Variants in IMPG2 observed in about 807,000 individuals in gnomAD.
IMPG2 encodes the protein IPM 200.
In IMPG2, 91 loss-of-function variants were observed where a neutral mutation model predicts 129.2. That is an observed-to-expected ratio of 0.70 (90% confidence interval 0.59 to 0.84). The LOEUF (loss-of-function observed/expected upper bound fraction) is 0.84. IMPG2 is among the 40% of genes least tolerant of loss of function. The pLI, the probability that IMPG2 is intolerant of heterozygous loss-of-function variation, is 0.00. For missense variants in IMPG2, 1,430 were observed against 1,461.7 expected, an observed-to-expected ratio of 0.98 and a Z score of 0.35; for synonymous variants, 510 against 517.7, an observed-to-expected ratio of 0.99 and a Z score of 0.20.
intron 7 of IMPG2, among the ~76,000 whole-genome samples, chr3:101,271,433 T>A (rs186722976): frequency 6.6e-6 from 1 of 152,356 alleles, no homozygotes; most frequent in Non-Finnish European, 1.5e-5. Flanking sequence ...TCAACATTGA[T>A]ATTAATAGTC....
chr3:101,302,611 G>C (rs1267249432), intron 3 of IMPG2, among the ~76,000 whole-genome samples: 1 of 152,110 alleles, frequency 6.6e-6, no homozygotes, highest in East Asian at 1.9e-4. Flanking sequence ...TCTGTAAAAT[G>C]GGGACATTAC....
chr3:101,280,947 A>C (rs772596643), intron 4 of IMPG2, among the ~76,000 whole-genome samples: 7 of 109,422 alleles, frequency 6.4e-5, no homozygotes, highest in Non-Finnish European at 1.4e-4. Context: ...AGACTGTTGC[A>C]AAAAAAAAAA....
rs1291647192 is a variant in IMPG2 at position 101,226,037 on chromosome 3, C to T, written c.*932G>A. 6.5e-6 allele frequency: 1 copy of T among 154,208 alleles called. No individual in the cohort carries two copies. Among genetic ancestry groups the T allele is most frequent in the Admixed American group, 6.6e-5 (1 of 15,228 alleles). The allele number at this position is 154,208 out of a possible 1,614,324, so 9.6% of individuals were successfully genotyped here. A position where few individuals can be genotyped will look rare whatever the true frequency, so the allele number is the denominator to read the frequency against. Reference sequence around the variant, plus strand: ...TTAAGTGCTGTTTTCCAAATTAATACACCAGGAACTAGAGGAGAGACAGGA... The same window carrying T: ...TTAAGTGCTGTTTTCCAAATTAATATACCAGGAACTAGAGGAGAGACAGGA... On this transcript the variant is annotated 3_prime_UTR_variant, in exon 19 of 19. Coordinates refer to ENST00000193391, the MANE Select transcript of IMPG2 (RefSeq NM_016247.4).
intron 3 of IMPG2, 147 bp from the exon 4 acceptor site, chr3:101,291,657 T>C: frequency 3.0e-6 from 2 of 673,438 alleles, no homozygotes; most frequent in Non-Finnish European, 5.4e-6. Context: ...TTAAAACAGG[T>C]AATAATGATA....
Position 101,291,529 on chromosome 3 carries a change from T to TAAAA in IMPG2, c.502-23_502-20dup, listed in dbSNP as rs1418995924. 2.5e-6 allele frequency: 4 copies of TAAAA among 1,598,638 alleles called. No individual in the cohort carries two copies. In the African/African-American group the frequency reaches 5.4e-5, roughly 21 times the overall value. On this transcript the variant is annotated intron_variant, in intron 3 of 18. Transcript: ENST00000193391. ...TCAGTTTCTAAGGAAAACAAAGATA[T>TAAAA]AAAAATGACTGAGTTAACAACAGTT...
At chr3:101,265,498 A>G (rs1706712935) in intron 9 of IMPG2, among the ~76,000 whole-genome samples, 1 of 152,158 alleles carries the variant, frequency 6.6e-6, no homozygotes, top group African/African-American at 2.4e-5. Flanking sequence ...ATCCATATGC[A>G]GAAGAATGAA....
chr3:101,304,075 T>G (rs1319505987), intron 3 of IMPG2, 71 bp downstream of exon 3: 41 of 1,543,442 alleles, frequency 2.7e-5, no homozygotes, highest in Non-Finnish European at 3.5e-5. Flanking sequence ...TGCTTTTGCT[T>G]CCTTTAGGCC....
At position 101,225,828 on chromosome 3, in the gene IMPG2, G is replaced by A. The variant is rs1706215724; in HGVS notation, c.*1141C>T. On this transcript the variant is annotated 3_prime_UTR_variant, in exon 19 of 19. Coordinates refer to ENST00000193391, the MANE Select transcript of IMPG2 (RefSeq NM_016247.4). ...CAAAAAAAACACTAGGGGGAAAGAG[G>A]AAAATTTCCATTTTCTGTCAAAATT... The A allele has an allele frequency of 6.6e-6, 1 of 152,124 alleles. No homozygotes were observed. Among genetic ancestry groups the A allele is most frequent in the African/African-American group, 2.4e-5 (1 of 41,364 alleles). 9.4% of individuals were successfully genotyped at this position (152,124 alleles called of 1,614,324 possible).
chr3:101,258,220 T>G (rs1706633249), intron 9 of IMPG2, among the ~76,000 whole-genome samples: 1 of 152,130 alleles, frequency 6.6e-6, no homozygotes, highest in Non-Finnish European at 1.5e-5. Context: ...TACTGGAACA[T>G]AGTTATTTAT....
At chr3:101,247,766 G>A (rs969254715) in intron 11 of IMPG2, among the ~76,000 whole-genome samples, 10 of 152,002 alleles carry the variant, frequency 6.6e-5, no homozygotes, top group Admixed American at 4.6e-4. Context: ...TCATGTTCTG[G>A]GCATAATATT....
At chr3:101,306,632 T>A (rs1469977109) in intron 2 of IMPG2, among the ~76,000 whole-genome samples, 1 of 152,108 alleles carries the variant, frequency 6.6e-6, no homozygotes, top group Non-Finnish European at 1.5e-5. Context: ...TAATGTCTGG[T>A]AATGAAATGA....
At position 101,225,928 on chromosome 3, in the gene IMPG2, G is replaced by A. The variant is rs1706216856; in HGVS notation, c.*1041C>T. 3 of 154,092 alleles carry A rather than the reference G, an allele frequency of 1.9e-5. No individual in the cohort carries two copies. The highest frequency in any genetic ancestry group is 7.2e-5 in the African/African-American group (3 of 41,428). 9.5% of individuals were successfully genotyped at this position (154,092 alleles called of 1,614,324 possible). A position where few individuals can be genotyped will look rare whatever the true frequency, so the allele number is the denominator to read the frequency against. Reference sequence around the variant, plus strand: ...TGTAATAAAAGCTTTGCCCTGTTTTGTATAAGCAGGAGTTAATTTAGACAG... The same window carrying A: ...TGTAATAAAAGCTTTGCCCTGTTTTATATAAGCAGGAGTTAATTTAGACAG... On this transcript the variant is annotated 3_prime_UTR_variant, in exon 19 of 19. Transcript: ENST00000193391.
At chr3:101,312,422 G>T (rs888201134) in intron 2 of IMPG2, among the ~76,000 whole-genome samples, 1 of 151,946 alleles carries the variant, frequency 6.6e-6, no homozygotes, top group Non-Finnish European at 1.5e-5. Context: ...ATGAAAAGTT[G>T]AACGTTATTA....
intron 10 of IMPG2, among the ~76,000 whole-genome samples, chr3:101,256,144 G>GAAAAGA (rs1706598892): frequency 4.4e-5 from 2 of 45,292 alleles, no homozygotes; most frequent in African/African-American, 1.5e-4. Flanking sequence ...AAGAAAGAAA[G>GAAAAGA]AAAAGAAAGA....
chr3:101,302,214 T>C (rs1707145860), intron 3 of IMPG2, among the ~76,000 whole-genome samples: 2 of 152,254 alleles, frequency 1.3e-5, no homozygotes, highest in Non-Finnish European at 2.9e-5. Flanking sequence ...TTTCTATGCC[T>C]TCAAATATAA....
intron 7 of IMPG2, 110 bp from the exon 8 acceptor site, chr3:101,269,683 A>G (rs190270267): frequency 5.3e-5 from 38 of 712,848 alleles, no homozygotes; most frequent in South Asian, 4.2e-4. Context: ...AACTATTAGA[A>G]GCTTATACAC....
intron 10 of IMPG2, among the ~76,000 whole-genome samples, chr3:101,254,360 T>C (rs1706576535): frequency 6.6e-6 from 1 of 152,082 alleles, no homozygotes. Flanking sequence ...GCTATAAACA[T>C]CAATAAAGCC....
chr3:101,235,662 G>A (rs988163217), intron 14 of IMPG2, among the ~76,000 whole-genome samples: 3 of 152,306 alleles, frequency 2.0e-5, no homozygotes, highest in East Asian at 3.9e-4. Flanking sequence ...TGCTAGTTAA[G>A]AAAGGGTGCC....
intron 10 of IMPG2, 30 bp downstream of exon 10, chr3:101,257,499 C>T: frequency 6.2e-7 from 1 of 1,611,922 alleles, no homozygotes; most frequent in Non-Finnish European, 8.5e-7. Flanking sequence ...AGAAACTATA[C>T]AAGGACTTCA....
Sources: allele counts gnomAD v4.1 joint callset (sites outside exome capture counted in the v4.1 genomes callset), GRCh38; gene constraint gnomAD v4.1.1; transcripts MANE v1.5; gene names NCBI Gene and HGNC (gene_info 2026-07-23, HGNC 2026-07-21).